SUGCT: variants seen among roughly 807,000 people sequenced by gnomAD.
SUGCT encodes succinyl-CoA:glutarate CoA-transferase.
In SUGCT, 41 loss-of-function variants were observed where a neutral mutation model predicts 55.0. The ratio of observed to expected loss-of-function variants is 0.74; its 90% confidence interval spans 0.58 to 0.97. The LOEUF is 0.97. Ranked by LOEUF, SUGCT falls within the 50% of genes least tolerant of loss-of-function variation. The probability of loss-of-function intolerance (pLI) is 0.00; values close to 1 mark genes in which losing one functional copy is unlikely to be tolerated. For missense variants in SUGCT, 568 were observed against 547.8 expected, an observed-to-expected ratio of 1.04 and a Z score of -0.37; for synonymous variants, 187 against 200.4, an observed-to-expected ratio of 0.93 and a Z score of 0.56.
At chr7:40,523,805 C>T (rs2151580175) in intron 12 of SUGCT, among the ~76,000 whole-genome samples, 1 of 152,162 alleles carries the variant, frequency 6.6e-6, no homozygotes, top group East Asian at 1.9e-4. Context: ...GTTTACTAAC[C>T]AGTCTATATA....
chr7:40,412,825 T>C (rs1486602083), intron 9 of SUGCT, among the ~76,000 whole-genome samples: 1 of 152,190 alleles, frequency 6.6e-6, no homozygotes, highest in Non-Finnish European at 1.5e-5. Context: ...ATCTTTACTT[T>C]CTCTGTTTGG....
intron 9 of SUGCT, among the ~76,000 whole-genome samples, chr7:40,366,279 A>G (rs1783955603): frequency 6.6e-6 from 1 of 152,204 alleles, no homozygotes; most frequent in Non-Finnish European, 1.5e-5. Flanking sequence ...TGGATTAAAG[A>G]CTTAAACATT....
At chr7:40,961,572 G>A in the SUGCT span, among the ~76,000 whole-genome samples, 18 of 152,218 alleles carry the variant, frequency 1.2e-4, no homozygotes, top group Admixed American at 2.0e-4. Flanking sequence ...AGCAATTAAA[G>A]CCTAAGATAG....
At chr7:40,946,106 G>GTTTTTT in the SUGCT span, among the ~76,000 whole-genome samples, 2 of 146,298 alleles carry the variant, frequency 1.4e-5, no homozygotes, top group African/African-American at 2.5e-5. Flanking sequence ...TCACATACAA[G>GTTTTTT]TTTTTTTTTT....
chr7:40,866,167 A>G, the SUGCT span, among the ~76,000 whole-genome samples: 1 of 152,184 alleles, frequency 6.6e-6, no homozygotes, highest in African/African-American at 2.4e-5. Context: ...AAAGAAATTA[A>G]TGTCAAACTG....
chr7:40,295,361 A>C (rs1794062068), intron 8 of SUGCT, among the ~76,000 whole-genome samples: 1 of 152,214 alleles, frequency 6.6e-6, no homozygotes, highest in Admixed American at 6.5e-5. Context: ...GGATCACCTG[A>C]GGTCAGGAGT....
chr7:40,715,870 C>T (rs749225972), intron 12 of SUGCT, among the ~76,000 whole-genome samples: 2 of 152,150 alleles, frequency 1.3e-5, no homozygotes, highest in South Asian at 2.1e-4. Context: ...CCTCTTGGAC[C>T]ATAGTTTTCT....
chr7:40,899,972 G>C, the SUGCT span, among the ~76,000 whole-genome samples: 3 of 152,162 alleles, frequency 2.0e-5, no homozygotes, highest in Non-Finnish European at 4.4e-5. Flanking sequence ...GCTGCGGTGG[G>C]CTGGGGGGTA....
chr7:40,781,430 G>GAGAGCCAAACTC (rs1174899144), intron 13 of SUGCT, among the ~76,000 whole-genome samples: 1 of 152,068 alleles, frequency 6.6e-6, no homozygotes, highest in East Asian at 1.9e-4. Context: ...CGGCTGGCCT[G>GAGAGCCAAACTC]AGAGCCAAAC....
At chr7:40,719,641 G>T (rs1008734579) in intron 12 of SUGCT, among the ~76,000 whole-genome samples, 13 of 152,202 alleles carry the variant, frequency 8.5e-5, no homozygotes, top group Non-Finnish European at 1.6e-4. Context: ...TTGAGAAGTG[G>T]TTCCACACAG....
At chr7:40,630,047 A>G (rs1373713270) in intron 12 of SUGCT, among the ~76,000 whole-genome samples, 1 of 152,206 alleles carries the variant, frequency 6.6e-6, no homozygotes, top group Non-Finnish European at 1.5e-5. Flanking sequence ...TTCTTGCTTC[A>G]TGATTTTAAA....
At chr7:40,664,675 A>G (rs1801510273) in intron 12 of SUGCT, among the ~76,000 whole-genome samples, 2 of 152,152 alleles carry the variant, frequency 1.3e-5, no homozygotes, top group African/African-American at 4.8e-5. Flanking sequence ...TAATCTTTTA[A>G]ATTTAATTAA....
intron 12 of SUGCT, among the ~76,000 whole-genome samples, chr7:40,568,714 A>G (rs1375827326): frequency 6.6e-6 from 1 of 152,222 alleles, no homozygotes; most frequent in East Asian, 1.9e-4. Context: ...TGAAGTTAAT[A>G]TTTATTATTA....
At chr7:40,262,495 CAAAAAAAA>C (rs67739412) in intron 7 of SUGCT, among the ~76,000 whole-genome samples, 1 of 122,094 alleles carries the variant, frequency 8.2e-6, no homozygotes, top group Non-Finnish European at 1.6e-5. Context: ...ACCGAAAATA[CAAAAAAAA>C]AAAAAAAAAA....
intron 13 of SUGCT, among the ~76,000 whole-genome samples, chr7:40,775,212 AAGG>A (rs1451027757): frequency 2.0e-5 from 3 of 152,348 alleles, no homozygotes; most frequent in Middle Eastern, 3.4e-3. Context: ...CTTACATCAG[AAGG>A]AGGTGGCCTG....
chr7:40,952,678 G>C, the SUGCT span, among the ~76,000 whole-genome samples: 7 of 152,110 alleles, frequency 4.6e-5, no homozygotes, highest in African/African-American at 1.7e-4. Context: ...GTGTTTGCTT[G>C]TCCGTAAAGG....
At chr7:40,820,835 T>C (rs1791951504) in intron 13 of SUGCT, among the ~76,000 whole-genome samples, 1 of 152,232 alleles carries the variant, frequency 6.6e-6, no homozygotes. Flanking sequence ...CATCCCTGTC[T>C]TGTGCCAGTT....
At chr7:40,367,173 C>G (rs1204456336) in intron 9 of SUGCT, among the ~76,000 whole-genome samples, 1 of 148,818 alleles carries the variant, frequency 6.7e-6, no homozygotes, top group African/African-American at 2.5e-5. Flanking sequence ...GGACAAAAAA[C>G]CAAACATCGT....
the SUGCT span, among the ~76,000 whole-genome samples, chr7:40,895,173 G>A: frequency 5.3e-4 from 81 of 152,244 alleles, no homozygotes; most frequent in African/African-American, 1.9e-3. Context: ...AACATAGATG[G>A]AGCTGGAGGC....
Sources: gnomAD v4.1 joint callset for allele counts (sites outside exome capture counted in the v4.1 genomes callset) on GRCh38, gnomAD v4.1.1 for gene constraint, MANE v1.5 for transcripts, NCBI Gene and HGNC (gene_info 2026-07-23, HGNC 2026-07-21) for gene names.